Variants in SUPT3H observed in about 807,000 individuals in gnomAD.
SUPT3H encodes SPT3 homolog, SAGA and STAGA complex component, also known as transcription initiation protein SPT3 homolog.
SUPT3H carries 44 observed loss-of-function variants against 44.3 expected under a neutral mutation model. The ratio of observed to expected loss-of-function variants is 0.99; its 90% CI spans 0.78 to 1.28. The LOEUF is 1.28. Ranked by LOEUF, SUPT3H falls within the 50% of genes most tolerant of loss-of-function variation. SUPT3H has a pLI of 0.00. For missense variants in SUPT3H, 380 were observed against 387.1 expected, an observed-to-expected ratio of 0.98 and a Z score of 0.15; for synonymous variants, 124 against 125.6, an observed-to-expected ratio of 0.99 and a Z score of 0.09.
At chr6:45,347,287 T>G (rs1052805392) in intron 2 of SUPT3H, among the ~76,000 whole-genome samples, 1 of 152,188 alleles carries the variant, frequency 6.6e-6, no homozygotes, top group African/African-American at 2.4e-5. Context: ...ATGAATTCGA[T>G]TTCACTGATA....
chr6:45,176,332 G>A (rs926050573), intron 2 of SUPT3H, among the ~76,000 whole-genome samples: 7 of 151,882 alleles, frequency 4.6e-5, no homozygotes, highest in African/African-American at 1.2e-4. Context: ...CTGGAAAATC[G>A]GGTCACTCCC....
intron 6 of SUPT3H, among the ~76,000 whole-genome samples, chr6:44,985,611 T>G (rs1406854200): frequency 6.6e-6 from 1 of 152,104 alleles, no homozygotes; most frequent in Non-Finnish European, 1.5e-5. Flanking sequence ...AGGGACATAT[T>G]TAAGAAAATT....
At chr6:45,120,357 G>A (rs1330677519) in intron 2 of SUPT3H, among the ~76,000 whole-genome samples, 1 of 144,096 alleles carries the variant, frequency 6.9e-6, no homozygotes, top group South Asian at 2.2e-4. Flanking sequence ...GGTCGAGGAG[G>A]GAGGGTCACT....
At chr6:45,097,905 A>T (rs1379855829) in intron 3 of SUPT3H, 1 of 152,524 alleles carries the variant, frequency 6.6e-6, no homozygotes, top group Admixed American at 6.5e-5. Flanking sequence ...CTGCAAGGTC[A>T]TCCATTTCAG....
chr6:45,008,746 CTTTTT>C (rs112280292), intron 5 of SUPT3H, among the ~76,000 whole-genome samples: 1 of 145,578 alleles, frequency 6.9e-6, no homozygotes, highest in East Asian at 2.0e-4. Context: ...TGGCTAATGA[CTTTTT>C]TTTTTTTGAG....
At chr6:45,051,329 A>T (rs926846116) in intron 3 of SUPT3H, among the ~76,000 whole-genome samples, 1 of 152,122 alleles carries the variant, frequency 6.6e-6, no homozygotes, top group Non-Finnish European at 1.5e-5. Context: ...GGCCTGTTAT[A>T]TTTCCTCATA....
At chr6:45,096,473 A>G (rs190392349) in intron 3 of SUPT3H, among the ~76,000 whole-genome samples, 243 of 152,302 alleles carry the variant, frequency 1.6e-3, no homozygotes, top group Non-Finnish European at 2.6e-3. Context: ...GCTATCCACA[A>G]CCTAACAAGT....
intron 5 of SUPT3H, among the ~76,000 whole-genome samples, chr6:45,010,215 T>C (rs772631866): frequency 2.0e-5 from 3 of 152,160 alleles, no homozygotes; most frequent in Non-Finnish European, 2.9e-5. Context: ...AACCAGTCTA[T>C]TAGTTGTAAT....
At chr6:45,346,457 C>T (rs1790879745) in intron 2 of SUPT3H, among the ~76,000 whole-genome samples, 1 of 152,146 alleles carries the variant, frequency 6.6e-6, no homozygotes, top group Non-Finnish European at 1.5e-5. Context: ...CTAAACTACA[C>T]ACTCTCTTGG....
In SUPT3H at chr6:44,940,186, C is replaced by T. The variant is rs149391711; in HGVS notation, c.802-7423G>A. 2.2e-3 allele frequency among the ~76,000 whole-genome samples: 327 copies of T among 152,072 alleles called. 1 individual carries two copies. The highest frequency in any genetic ancestry group is 7.5e-3 in the African/African-American group (313 of 41,542). ...TTTTTTGATATATAGGCATTTAATG[C>T]TACAAACTTCCCTTTTGCAATGCTT... On this transcript the variant is annotated intron_variant, in intron 9 of 10. Transcript: ENST00000371459.
intron 3 of SUPT3H, among the ~76,000 whole-genome samples, chr6:45,080,318 G>T (rs1441866107): frequency 6.6e-6 from 1 of 152,072 alleles, no homozygotes; most frequent in African/African-American, 2.4e-5. Flanking sequence ...TGGAGGAAAG[G>T]GAACTCTCAT....
intron 9 of SUPT3H, 110 bp downstream of exon 9, chr6:44,953,200 A>C (rs2153473667): frequency 1.3e-6 from 1 of 794,220 alleles, no homozygotes. Context: ...AGATTCTTTG[A>C]CTGAAGGTTA....
chr6:45,039,502 T>C (rs1299362821), intron 3 of SUPT3H, among the ~76,000 whole-genome samples: 1 of 152,086 alleles, frequency 6.6e-6, no homozygotes, highest in Admixed American at 6.6e-5. Flanking sequence ...TTTAAAAAAA[T>C]ACAACTCCTG....
intron 9 of SUPT3H, among the ~76,000 whole-genome samples, chr6:44,936,762 A>G (rs1023428500): frequency 2.6e-5 from 4 of 152,080 alleles, no homozygotes; most frequent in Admixed American, 2.6e-4. Flanking sequence ...CTGTTACCCA[A>G]GTTCAAGTGA....
At chr6:45,162,937 C>T (rs1353728936) in intron 2 of SUPT3H, among the ~76,000 whole-genome samples, 1 of 152,160 alleles carries the variant, frequency 6.6e-6, no homozygotes, top group Non-Finnish European at 1.5e-5. Context: ...ATTCCAAAGA[C>T]TGTCTGCATC....
At chr6:45,070,364 C>G (rs1304825127) in intron 3 of SUPT3H, among the ~76,000 whole-genome samples, 2 of 152,128 alleles carry the variant, frequency 1.3e-5, no homozygotes, top group Non-Finnish European at 1.5e-5. Flanking sequence ...TTGGAAACCC[C>G]AGGATCCAAC....
intron 2 of SUPT3H, among the ~76,000 whole-genome samples, chr6:45,342,787 A>G (rs1442478681): frequency 1.3e-5 from 2 of 152,224 alleles, no homozygotes; most frequent in African/African-American, 4.8e-5. Flanking sequence ...AAAAAAATAC[A>G]TATGAAGAAC....
At chr6:45,122,530 A>G (rs751352718) in intron 2 of SUPT3H, among the ~76,000 whole-genome samples, 3 of 152,294 alleles carry the variant, frequency 2.0e-5, no homozygotes, top group Non-Finnish European at 4.4e-5. Context: ...TTGAAAGAAT[A>G]CTAAACCCAC....
intron 6 of SUPT3H, among the ~76,000 whole-genome samples, chr6:44,968,436 C>A (rs1289143049): frequency 6.6e-6 from 1 of 152,130 alleles, no homozygotes; most frequent in Admixed American, 6.5e-5. Context: ...AAGCTGAGGT[C>A]CAGAAAGGTT....
Sources: gnomAD v4.1 joint callset for allele counts (sites outside exome capture counted in the v4.1 genomes callset) on GRCh38, gnomAD v4.1.1 for gene constraint, MANE v1.5 for transcripts, NCBI Gene and HGNC (gene_info 2026-07-23, HGNC 2026-07-21) for gene names.